Variants in MRPL13 observed in about 807,000 individuals in gnomAD.
MRPL13 encodes the protein mitochondrial ribosomal protein L13.
A neutral mutation model predicts 29.0 loss-of-function variants in MRPL13; 33 were observed. The ratio of observed to expected loss-of-function variants is 1.14; its 90% CI spans 0.86 to 1.52. The LOEUF (loss-of-function observed/expected upper bound fraction) is 1.52. Ranked by LOEUF, MRPL13 falls within the 40% of genes most tolerant of loss-of-function variation. The pLI, the probability that MRPL13 is intolerant of heterozygous loss-of-function variation, is 0.00. For synonymous variants in MRPL13, 77 were observed against 68.4 expected, an observed-to-expected ratio of 1.13 and a Z score of -0.62; for missense variants, 227 against 216.7, an observed-to-expected ratio of 1.05 and a Z score of -0.30.
intron 2 of MRPL13, among the ~76,000 whole-genome samples, chr8:120,439,734 G>A: frequency 6.6e-6 from 1 of 152,174 alleles, no homozygotes; most frequent in East Asian, 1.9e-4. Flanking sequence ...TATACTCACA[G>A]ATTTCAGAGT....
Position 120,445,096 on chromosome 8 carries a change from T to G in MRPL13, c.-2A>C, listed in dbSNP as rs767975308. Reference sequence around the variant, plus strand: ...GGGCGCCCTAGAGAAACTCGACATATTCCTCTACTAGCAGGACCGTACGTC... The same window carrying G: ...GGGCGCCCTAGAGAAACTCGACATAGTCCTCTACTAGCAGGACCGTACGTC... On this transcript the variant is annotated 5_prime_UTR_variant, in exon 1 of 7. Transcript: ENST00000306185. 5.6e-6 allele frequency: 9 copies of G among 1,613,650 alleles called. No homozygotes were observed. The highest frequency in any genetic ancestry group is 7.6e-6 in the Non-Finnish European group (9 of 1,179,868).
At chr8:120,421,922 G>A (rs1812878573) in intron 4 of MRPL13, among the ~76,000 whole-genome samples, 1 of 151,366 alleles carries the variant, frequency 6.6e-6, no homozygotes, top group Middle Eastern at 3.2e-3. Context: ...TATATTATCA[G>A]GAGCCTTATA....
At chr8:120,435,057 T>C (rs1813038001) in intron 2 of MRPL13, among the ~76,000 whole-genome samples, 1 of 152,160 alleles carries the variant, frequency 6.6e-6, no homozygotes, top group African/African-American at 2.4e-5. Flanking sequence ...AGACACCAAT[T>C]CAGCTTGCTG....
intron 2 of MRPL13, among the ~76,000 whole-genome samples, chr8:120,441,210 T>C (rs1439283673): frequency 1.3e-5 from 2 of 152,114 alleles, no homozygotes; most frequent in Non-Finnish European, 2.9e-5. Context: ...AATGGACTTA[T>C]TCATTGGAGA....
At chr8:120,409,133 T>C (rs1460412826) in intron 6 of MRPL13, among the ~76,000 whole-genome samples, 1 of 152,188 alleles carries the variant, frequency 6.6e-6, no homozygotes, top group Admixed American at 6.6e-5. Flanking sequence ...AGGTTTCTGT[T>C]ATAAAAACCT....
In MRPL13 at chr8:120,396,261, T is replaced by C. The variant is rs1449323039; in HGVS notation, c.516-136A>G. 16 of 654,616 alleles carry C rather than the reference T, an allele frequency of 2.4e-5. No individual in the cohort carries two copies. The East Asian group carries it at 4.7e-4, about 19-fold the overall frequency. The allele number at this position is 654,616 out of a possible 1,614,324, so 40.6% of individuals were successfully genotyped here. A position where few individuals can be genotyped will look rare whatever the true frequency, so the allele number is the denominator to read the frequency against. On this transcript the variant is annotated intron_variant, in intron 6 of 6. Coordinates refer to ENST00000306185, the MANE Select transcript of MRPL13 (RefSeq NM_014078.6). ...GCTACAAACACTATATCTAAATTTT[T>C]GGTGAAAAAAAAACATTAACATCAA...
At chr8:120,412,674 C>T (rs1474355644) in intron 6 of MRPL13, among the ~76,000 whole-genome samples, 1 of 152,014 alleles carries the variant, frequency 6.6e-6, no homozygotes, top group Admixed American at 6.6e-5. Flanking sequence ...TTCCAAAACA[C>T]TTACTGAGTG....
At chr8:120,402,147 C>G (rs1469695695) in intron 6 of MRPL13, among the ~76,000 whole-genome samples, 1 of 152,166 alleles carries the variant, frequency 6.6e-6, no homozygotes, top group African/African-American at 2.4e-5. Flanking sequence ...TTAGAATAAA[C>G]TATTTTAAAA....
chr8:120,429,475 G>A (rs1227319475), intron 3 of MRPL13, among the ~76,000 whole-genome samples: 1 of 149,840 alleles, frequency 6.7e-6, no homozygotes, highest in Non-Finnish European at 1.5e-5. Context: ...ACCTGCACAT[G>A]TAACTGAACT....
intron 6 of MRPL13, among the ~76,000 whole-genome samples, chr8:120,413,196 CTTAA>C (rs1384016351): frequency 6.6e-6 from 1 of 152,102 alleles, no homozygotes; most frequent in Non-Finnish European, 1.5e-5. Flanking sequence ...TGATAAAAGT[CTTAA>C]TTAATTTATT....
intron 6 of MRPL13, among the ~76,000 whole-genome samples, chr8:120,408,678 A>G (rs1371175714): frequency 6.6e-6 from 1 of 152,242 alleles, no homozygotes; most frequent in Non-Finnish European, 1.5e-5. Flanking sequence ...AGATCCCAGC[A>G]ACTTATGGAT....
chr8:120,423,907 T>G (rs1346269681), intron 4 of MRPL13, among the ~76,000 whole-genome samples: 1 of 151,992 alleles, frequency 6.6e-6, no homozygotes, highest in African/African-American at 2.4e-5. Context: ...GCTTGTAGAT[T>G]GGGAGGGAGG....
chr8:120,405,239 T>C (rs1812650762), intron 6 of MRPL13, among the ~76,000 whole-genome samples: 1 of 152,216 alleles, frequency 6.6e-6, no homozygotes, highest in Non-Finnish European at 1.5e-5. Flanking sequence ...TGGTTTTACT[T>C]CTCTCTGTCT....
chr8:120,398,445 A>G (rs1051319906), intron 6 of MRPL13, among the ~76,000 whole-genome samples: 2 of 152,194 alleles, frequency 1.3e-5, no homozygotes, highest in Non-Finnish European at 1.5e-5. Context: ...ACAAACAAAC[A>G]AAGTAACAAC....
intron 6 of MRPL13, among the ~76,000 whole-genome samples, chr8:120,399,321 A>G (rs1327894598): frequency 6.6e-6 from 1 of 152,244 alleles, no homozygotes; most frequent in East Asian, 1.9e-4. Flanking sequence ...ACCAGCCAGA[A>G]GAGATTGGGG....
intron 5 of MRPL13, among the ~76,000 whole-genome samples, chr8:120,416,803 C>G (rs552587671): frequency 6.6e-6 from 1 of 152,246 alleles, no homozygotes; most frequent in Non-Finnish European, 1.5e-5. Flanking sequence ...AAACTTCAAA[C>G]TAAATATTTC....
At chr8:120,413,855 G>T in intron 6 of MRPL13, 136 bp downstream of exon 6, 1 of 1,109,352 alleles carries the variant, frequency 9.0e-7, no homozygotes, top group Non-Finnish European at 1.2e-6. Flanking sequence ...TTATTTGTAG[G>T]TAGTAGCTGC....
At chr8:120,439,563 C>T (rs1813093627) in intron 2 of MRPL13, among the ~76,000 whole-genome samples, 1 of 152,160 alleles carries the variant, frequency 6.6e-6, no homozygotes, top group African/African-American at 2.4e-5. Context: ...ATCCAGTGTT[C>T]ACAGGATAAC....
chr8:120,428,495 G>A (rs1812958798), intron 3 of MRPL13, among the ~76,000 whole-genome samples: 1 of 152,100 alleles, frequency 6.6e-6, no homozygotes, highest in Non-Finnish European at 1.5e-5. Flanking sequence ...TTGACAGATG[G>A]GATGTAATTA....
Sources: allele counts gnomAD v4.1 joint callset (sites outside exome capture counted in the v4.1 genomes callset), GRCh38; gene constraint gnomAD v4.1.1; transcripts MANE v1.5; gene names NCBI Gene and HGNC (gene_info 2026-07-23, HGNC 2026-07-21).